CSMD2: variants seen among roughly 807,000 people sequenced by gnomAD.
The protein encoded by CSMD2 is CUB and sushi domain-containing protein 2.
In CSMD2, 130 loss-of-function variants were observed where a neutral mutation model predicts 398.5. That is an observed-to-expected ratio of 0.33 (90% CI 0.28 to 0.38). The LOEUF (loss-of-function observed/expected upper bound fraction) is 0.38, where lower values mean the gene tolerates loss of function less well. Ranked by LOEUF, CSMD2 falls within the 10% of genes least tolerant of loss-of-function variation. CSMD2 has a pLI of 1.00. For synonymous variants in CSMD2, 1,828 were observed against 1,908.5 expected (o/e 0.96, Z 1.10); for missense variants, 3,829 against 4,764.9 (o/e 0.80, Z 5.78).
chr1:33,828,313 T>A (rs1659053834), intron 6 of CSMD2, among the ~76,000 whole-genome samples: 1 of 152,300 alleles, frequency 6.6e-6, no homozygotes, highest in Admixed American at 6.5e-5. Context: ...TGATTCACTA[T>A]CCCTGGGAGA....
intron 46 of CSMD2, among the ~76,000 whole-genome samples, chr1:33,585,527 A>G (rs771087924): frequency 7.2e-5 from 11 of 152,178 alleles, no homozygotes; most frequent in Non-Finnish European, 1.6e-4. Flanking sequence ...TTTTAAGAGG[A>G]GAAGGAAAAC....
intron 12 of CSMD2, 67 bp downstream of exon 12, chr1:33,788,533 A>G: frequency 1.2e-6 from 1 of 816,334 alleles, no homozygotes; most frequent in South Asian, 1.5e-5. Flanking sequence ...AAAAATTCTG[A>G]CTGCAAATCC....
chr1:33,975,267 G>C (rs1256687795), intron 3 of CSMD2, among the ~76,000 whole-genome samples: 1 of 152,160 alleles, frequency 6.6e-6, no homozygotes, highest in Non-Finnish European at 1.5e-5. Flanking sequence ...ACTTAGACTG[G>C]AGTCCACTTA....
At chr1:33,592,966 TATC>T (rs1386310078) in intron 44 of CSMD2, among the ~76,000 whole-genome samples, 4 of 151,072 alleles carry the variant, frequency 2.6e-5, no homozygotes, top group South Asian at 2.1e-4. Context: ...AAAAAAAAAT[TATC>T]ATGACATATG....
intron 2 of CSMD2, among the ~76,000 whole-genome samples, chr1:34,034,517 G>A (rs578019565): frequency 1.3e-5 from 2 of 151,970 alleles, no homozygotes; most frequent in Non-Finnish European, 2.9e-5. Context: ...AAATGATATC[G>A]CCAGATAGAT....
chr1:33,651,491 T>G (rs996353301), intron 28 of CSMD2, among the ~76,000 whole-genome samples: 33 of 152,324 alleles, frequency 2.2e-4, no homozygotes, highest in African/African-American at 7.5e-4. Context: ...GAATGGAGTC[T>G]TCCACTTATA....
chr1:33,800,511 C>T (rs1016873665), intron 10 of CSMD2, among the ~76,000 whole-genome samples: 1 of 152,198 alleles, frequency 6.6e-6, no homozygotes, highest in African/African-American at 2.4e-5. Context: ...CAGTTACACA[C>T]CTGCCAAGTG....
intron 3 of CSMD2, among the ~76,000 whole-genome samples, chr1:33,988,580 G>T (rs1053071630): frequency 1.3e-5 from 2 of 152,120 alleles, no homozygotes; most frequent in Admixed American, 1.3e-4. Flanking sequence ...ATTATTTTGG[G>T]TTAAGTTGTT....
intron 25 of CSMD2, among the ~76,000 whole-genome samples, chr1:33,690,124 C>T (rs1374718874): frequency 6.6e-6 from 1 of 152,160 alleles, no homozygotes; most frequent in Non-Finnish European, 1.5e-5. Flanking sequence ...GCTGTCAAAA[C>T]GCAGCCTCAT....
intron 68 of CSMD2, among the ~76,000 whole-genome samples, chr1:33,521,152 C>T (rs1773029): frequency 6.6e-6 from 1 of 152,170 alleles, no homozygotes; most frequent in Non-Finnish European, 1.5e-5. Context: ...GGGGTGACAC[C>T]CAGGGCTGGC....
chr1:33,949,403 C>T (rs1271456463), intron 3 of CSMD2, among the ~76,000 whole-genome samples: 6 of 150,098 alleles, frequency 4.0e-5, no homozygotes, highest in Admixed American at 6.6e-5. Flanking sequence ...GCCAGGCAGG[C>T]GGCATCCCTT....
chr1:33,694,770 T>C (rs996716238), intron 24 of CSMD2, among the ~76,000 whole-genome samples: 23 of 152,104 alleles, frequency 1.5e-4, no homozygotes, highest in Admixed American at 1.5e-3. Context: ...CACTGGTAAA[T>C]AAAAATGGTC....
intron 15 of CSMD2, among the ~76,000 whole-genome samples, chr1:33,732,509 G>C (rs759483029): frequency 6.6e-6 from 1 of 152,208 alleles, no homozygotes; most frequent in Non-Finnish European, 1.5e-5. Flanking sequence ...AACAGGCCAC[G>C]TGAGAACACA....
intron 1 of CSMD2, among the ~76,000 whole-genome samples, chr1:34,092,396 G>C (rs1226873951): frequency 6.6e-6 from 1 of 152,192 alleles, no homozygotes; most frequent in Non-Finnish European, 1.5e-5. Flanking sequence ...AGATTGTCGG[G>C]GGGAGGAGCC....
intron 24 of CSMD2, among the ~76,000 whole-genome samples, chr1:33,698,467 G>A (rs1438132288): frequency 2.0e-5 from 3 of 152,108 alleles, no homozygotes; most frequent in Non-Finnish European, 2.9e-5. Flanking sequence ...GCTATCACCC[G>A]CGTTACAATT....
intron 19 of CSMD2, among the ~76,000 whole-genome samples, chr1:33,723,439 G>A (rs1043216552): frequency 6.6e-6 from 1 of 152,252 alleles, no homozygotes; most frequent in African/African-American, 2.4e-5. Flanking sequence ...AGCCAAATCT[G>A]CCTGGTTACT....
intron 3 of CSMD2, among the ~76,000 whole-genome samples, chr1:34,018,742 A>G (rs1371354656): frequency 1.3e-5 from 2 of 152,240 alleles, no homozygotes; most frequent in African/African-American, 4.8e-5. Flanking sequence ...TCATTATACA[A>G]TGCAGAGGTT....
intron 3 of CSMD2, among the ~76,000 whole-genome samples, chr1:33,953,004 C>G (rs371718079): frequency 6.6e-6 from 1 of 152,098 alleles, no homozygotes; most frequent in Non-Finnish European, 1.5e-5. Context: ...GATGGCTGCA[C>G]GTGGCAAAAA....
intron 3 of CSMD2, among the ~76,000 whole-genome samples, chr1:33,940,075 A>G (rs910589008): frequency 1.3e-5 from 2 of 152,198 alleles, no homozygotes; most frequent in African/African-American, 4.8e-5. Context: ...CAGAGCCATG[A>G]TCTCTTTGAA....
Sources: allele counts gnomAD v4.1 joint callset (sites outside exome capture counted in the v4.1 genomes callset), GRCh38; gene constraint gnomAD v4.1.1; transcripts MANE v1.5; gene names NCBI Gene and HGNC (gene_info 2026-07-23, HGNC 2026-07-21).